Variants in GPR26 observed in about 807,000 individuals in gnomAD.
GPR26 encodes G protein-coupled receptor 26.
Under a neutral mutation model 23.1 loss-of-function variants are expected in GPR26, and 15 were observed. The ratio of observed to expected loss-of-function variants is 0.65; its 90% CI spans 0.43 to 1.00. GPR26 has a LOEUF of 1.00. GPR26 is among the 50% of genes least tolerant of loss of function. GPR26 has a pLI of 0.00. For synonymous variants in GPR26, 228 were observed against 222.1 expected, an observed-to-expected ratio of 1.03 and a Z score of -0.24; for missense variants, 359 against 470.5, an observed-to-expected ratio of 0.76 and a Z score of 2.19.
In GPR26 at chr10:123,666,924, A is replaced by T. The variant is rs1196320195; in HGVS notation, c.517A>T (p.Thr173Ser). 1 of 1,613,394 alleles carries T rather than the reference A, an allele frequency of 6.2e-7. No homozygotes were observed. Among genetic ancestry groups the T allele is most frequent in the East Asian group, 2.2e-5 (1 of 44,858 alleles). Residue 173 changes from threonine to serine, a missense_variant, in exon 1 of 3, where the codon ACT becomes TCT. Coordinates refer to ENST00000284674, the MANE Select transcript of GPR26 (RefSeq NM_153442.4). ...PDERLRFAVF[T>S]GAFHALSFLL... The stretch of plus-strand genomic sequence containing the variant: ...CGAGCGCCTGCGCTTCGCCGTCTTC[A>T]CTGGCGCCTTCCACGCTCTCAGCTT...
chr10:123,693,710 T>G lies in GPR26; in HGVS notation c.*5550T>G, dbSNP rs1845513648. The G allele has an allele frequency of 6.6e-6, 1 of 152,218 alleles. No individual in the cohort carries two copies. The highest frequency in any genetic ancestry group is 2.1e-4 in the South Asian group (1 of 4,832). The allele number at this position is 152,218 out of a possible 1,614,324, so 9.4% of individuals were successfully genotyped here. On this transcript the variant is annotated 3_prime_UTR_variant, in exon 3 of 3. Coordinates refer to ENST00000284674, the MANE Select transcript of GPR26 (RefSeq NM_153442.4). ...AAGGAAGGTGGCAGGAACTCCAGGCTTGCTCCTGCCTCCTCACACCTCATT... is the reference window on the plus strand; with the variant it reads ...AAGGAAGGTGGCAGGAACTCCAGGCGTGCTCCTGCCTCCTCACACCTCATT...
At chr10:123,680,263 G>A (rs1421605464) in intron 2 of GPR26, among the ~76,000 whole-genome samples, 1 of 152,220 alleles carries the variant, frequency 6.6e-6, no homozygotes. Context: ...GAGCTTGTTT[G>A]AGCTAAGAAA....
chr10:123,685,938 A>G (rs754355111), intron 2 of GPR26, among the ~76,000 whole-genome samples: 13 of 152,218 alleles, frequency 8.5e-5, no homozygotes, highest in South Asian at 6.2e-4. Context: ...GCTCGGCCCA[A>G]AGGAGACACT....
chr10:123,674,782 C>T lies in GPR26; in HGVS notation c.669-36C>T. The T allele has an allele frequency of 1.4e-6, 2 of 1,389,580 alleles. No homozygotes were observed. The highest frequency in any genetic ancestry group is 2.0e-6 in the Non-Finnish European group (2 of 979,876). 86.1% of individuals were successfully genotyped at this position (1,389,580 alleles called of 1,614,324 possible). ...GCCTCATCCTGACCTAGCAAGGGTG[C>T]CTCGTAGTTCACCTTCTCTCCTCTC... On this transcript the variant is annotated intron_variant, in intron 1 of 2. Transcript: ENST00000284674. The surrounding 1 kb of genome is among the most constrained non-coding windows in gnomAD (Gnocchi z 4.1).
At chr10:123,685,467 C>A (rs1281800908) in intron 2 of GPR26, among the ~76,000 whole-genome samples, 1 of 152,232 alleles carries the variant, frequency 6.6e-6, no homozygotes, top group Non-Finnish European at 1.5e-5. Flanking sequence ...AGCAGCTCAG[C>A]CAGCCACAGC....
rs986820867 is a variant in GPR26 at position 123,697,209 on chromosome 10, A to T, written c.*9049A>T. On this transcript the variant is annotated 3_prime_UTR_variant, in exon 3 of 3. Transcript: ENST00000284674. ...CCTTCTGTGTAATCCACTTGCCAAC[A>T]GCTGTTTTCTGTTGAAATGGGACTC... Among the ~76,000 whole-genome samples the T allele has an allele frequency of 3.3e-5, 5 of 152,330 alleles. No homozygotes were observed. The highest frequency in any genetic ancestry group is 2.6e-4 in the Admixed American group (4 of 15,302).
chr10:123,690,137 G>A lies in GPR26; in HGVS notation c.*1977G>A, dbSNP rs1845475995. ...AATTGCTCTGGCTCAGAGCTCCTTT[G>A]GCCACTCATATTACAATAGCAACAG... On this transcript the variant is annotated 3_prime_UTR_variant, in exon 3 of 3. Coordinates refer to ENST00000284674, the MANE Select transcript of GPR26 (RefSeq NM_153442.4). 6.6e-6 allele frequency: 1 copy of A among 152,030 alleles called. No homozygotes were observed. The highest frequency in any genetic ancestry group is 2.4e-5 in the African/African-American group (1 of 41,368). 9.4% of individuals were successfully genotyped at this position (152,030 alleles called of 1,614,324 possible).
chr10:123,688,391 T>G lies in GPR26; in HGVS notation c.*231T>G, dbSNP rs1845454274. 1 of 545,170 alleles carries G rather than the reference T, an allele frequency of 1.8e-6. No homozygotes were observed. Among genetic ancestry groups the G allele is most frequent in the Non-Finnish European group, 3.3e-6 (1 of 302,514 alleles). 33.8% of individuals were successfully genotyped at this position (545,170 alleles called of 1,614,324 possible). On this transcript the variant is annotated 3_prime_UTR_variant, in exon 3 of 3. Transcript: ENST00000284674. The stretch of plus-strand genomic sequence containing the variant: ...ATGACTGTAGGCCGTGTGCTGGCCT[T>G]TCTTTCTAAGAAGCTGCTTTGAGCT...
rs1219601056 is a variant in GPR26, at chr10:123,689,143, C to T, written c.*983C>T. ...TGCCTTGATTTTAAGTCACTGGGTT[C>T]CATTGTCCTGGCACCTCCATTTCCT... On this transcript the variant is annotated 3_prime_UTR_variant, in exon 3 of 3. Coordinates refer to ENST00000284674, the MANE Select transcript of GPR26 (RefSeq NM_153442.4). 1 of 152,298 alleles carries T rather than the reference C, an allele frequency of 6.6e-6. No individual in the cohort carries two copies. The highest frequency in any genetic ancestry group is 2.1e-4 in the South Asian group (1 of 4,816). The allele number at this position is 152,298 out of a possible 1,614,324, so 9.4% of individuals were successfully genotyped here. A position where few individuals can be genotyped will look rare whatever the true frequency, so the allele number is the denominator to read the frequency against.
In GPR26 at chr10:123,680,724, T is replaced by C. The variant is rs76649877; in HGVS notation, c.782+5793T>C. 2.3e-4 allele frequency among the ~76,000 whole-genome samples: 35 copies of C among 151,460 alleles called. 1 individual carries two copies. The East Asian group carries it at 6.9e-3, about 30-fold the overall frequency. On this transcript the variant is annotated intron_variant, in intron 2 of 2. Transcript: ENST00000284674. ...AGGAATGTCCCTTCATTTTTAATCC[T>C]GTAAGTCCTCACTCTGTACCTGAAG...
rs990044648 is a variant in GPR26 at position 123,696,076 on chromosome 10, A to T, written c.*7916A>T. 2.6e-5 allele frequency among the ~76,000 whole-genome samples: 4 copies of T among 152,202 alleles called. No homozygotes were observed. Among genetic ancestry groups the T allele is most frequent in the Admixed American group, 2.0e-4 (3 of 15,280 alleles). On this transcript the variant is annotated 3_prime_UTR_variant, in exon 3 of 3. Coordinates refer to ENST00000284674, the MANE Select transcript of GPR26 (RefSeq NM_153442.4). Reference sequence around the variant, plus strand: ...TCTGGGAGAAGGATCAAATCCTGCCATCTGGATGTGCATTATTAATGCTGG... The same window carrying T: ...TCTGGGAGAAGGATCAAATCCTGCCTTCTGGATGTGCATTATTAATGCTGG...
At chr10:123,680,983 G>T (rs904640791) in intron 2 of GPR26, among the ~76,000 whole-genome samples, 1 of 152,048 alleles carries the variant, frequency 6.6e-6, no homozygotes, top group Non-Finnish European at 1.5e-5. Context: ...GGGACTGCAG[G>T]TGCGCACCAT....
intron 2 of GPR26, among the ~76,000 whole-genome samples, chr10:123,677,416 C>A (rs1845322453): frequency 6.6e-6 from 1 of 152,130 alleles, no homozygotes; most frequent in Non-Finnish European, 1.5e-5. Context: ...TCTGGCAGAA[C>A]CCCGCCGGGC....
Position 123,674,912 on chromosome 10 carries a change from G to A in GPR26, c.763G>A (p.Ala255Thr), listed in dbSNP as rs372113146. 2.2e-5 allele frequency: 36 copies of A among 1,610,704 alleles called. No individual in the cohort carries two copies. The highest frequency in any genetic ancestry group is 8.8e-5 in the South Asian group (8 of 90,812). ...TFIGTFLVCF[A>T]PYVITRLVEL... ...CATAGGGACCTTCCTTGTGTGCTTC[G>A]CGCCCTATGTGATCACCAGGTGAGC... The change falls in exon 2 of 3, where the codon GCG (alanine) becomes ACG (threonine). Residue 255 changes from alanine (A) to threonine (T), a missense_variant. Coordinates refer to ENST00000284674, the MANE Select transcript of GPR26 (RefSeq NM_153442.4). The surrounding 1 kb of genome is among the most constrained non-coding windows in gnomAD (Gnocchi z 4.1).
rs1845546686 is a variant in GPR26, at chr10:123,696,546, CTT to C, written c.*8388_*8389del. On this transcript the variant is annotated 3_prime_UTR_variant, in exon 3 of 3. Coordinates refer to ENST00000284674, the MANE Select transcript of GPR26 (RefSeq NM_153442.4). ...GTTTAGCATTCAATATGGAAATGCA[CTT>C]TATATTTATTTGCACACATCAAGAA... Among the ~76,000 whole-genome samples the C allele has an allele frequency of 6.6e-6, 1 of 152,124 alleles. No individual in the cohort carries two copies. The highest frequency in any genetic ancestry group is 2.4e-5 in the African/African-American group (1 of 41,406).
At position 123,666,587 on chromosome 10, in the gene GPR26, G is replaced by T; in HGVS notation, c.180G>T (p.Met60Ile). 1 of 1,595,984 alleles carries T rather than the reference G, an allele frequency of 6.3e-7. No homozygotes were observed. Reference protein sequence around the residue: ...CGNLLCTVVNMPLTLAGVVAQ... With the variant: ...CGNLLCTVVNIPLTLAGVVAQ... ...ACCTGCTGTGCACCGTGGTCAACATGCCGCTCACGCTGGCCGGCGTCGTGG... is the reference window on the plus strand; with the variant it reads ...ACCTGCTGTGCACCGTGGTCAACATTCCGCTCACGCTGGCCGGCGTCGTGG... The change falls in exon 1 of 3, where the codon ATG (methionine) becomes ATT (isoleucine). Residue 60 changes from methionine (M) to isoleucine (I), a missense_variant. Physicochemically the swap from Met to Ile is conservative, Grantham distance 10. Coordinates refer to ENST00000284674, the MANE Select transcript of GPR26 (RefSeq NM_153442.4).
rs1324077411 is a variant in GPR26 at position 123,691,958 on chromosome 10, TTAATAACTATC to T, written c.*3801_*3811del. ...CTCTATAGAAAATTGAGTGTTTCTA[TTAATAACTATC>T]TAGGTTTCAATTGTCTTGTATCTTT... On this transcript the variant is annotated 3_prime_UTR_variant, in exon 3 of 3. Coordinates refer to ENST00000284674, the MANE Select transcript of GPR26 (RefSeq NM_153442.4). 7 of 152,346 alleles carry T rather than the reference TTAATAACTATC, an allele frequency of 4.6e-5. No homozygotes were observed. The highest frequency in any genetic ancestry group is 3.9e-4 in the Admixed American group (6 of 15,308). 9.4% of individuals were successfully genotyped at this position (152,346 alleles called of 1,614,324 possible). A position where few individuals can be genotyped will look rare whatever the true frequency, so the allele number is the denominator to read the frequency against.
rs759493567 is a variant in GPR26, at chr10:123,666,632, C to T, written c.225C>T (p.Gly75=). 3 of 1,589,726 alleles carry T rather than the reference C, an allele frequency of 1.9e-6. No homozygotes were observed. The highest frequency in any genetic ancestry group is 1.7e-5 in the Admixed American group (1 of 58,238). ...TCGTGGCGCAGCGGCAGCCGGCGGG[C>T]GACCGCCTGTGCCGCCTGGCTGCCT... The part of the protein sequence containing the change: ...AGVVAQRQPA[G]DRLCRLAAFL... The change falls in exon 1 of 3, where the codon GGC becomes GGT. Residue 75 remains glycine, a synonymous_variant. Coordinates refer to ENST00000284674, the MANE Select transcript of GPR26 (RefSeq NM_153442.4).
At chr10:123,672,553 A>T (rs1339490126) in intron 1 of GPR26, among the ~76,000 whole-genome samples, 2 of 151,888 alleles carry the variant, frequency 1.3e-5, no homozygotes, top group Non-Finnish European at 2.9e-5. Context: ...CTCTTGGTTC[A>T]CTCTTGTTGC....
Sources: gnomAD v4.1 joint callset for allele counts (sites outside exome capture counted in the v4.1 genomes callset) on GRCh38, gnomAD v4.1.1 for gene constraint, Gnocchi (gnomAD v3.1) non-coding constraint, MANE v1.5 for transcripts, NCBI Gene and HGNC (gene_info 2026-07-23, HGNC 2026-07-21) for gene names.